GTF2A2: variants seen among roughly 807,000 people sequenced by gnomAD.
The protein encoded by GTF2A2 is general transcription factor IIA subunit 2.
GTF2A2 carries 9 observed loss-of-function variants against 14.3 expected under a neutral mutation model. The ratio of observed to expected loss-of-function variants is 0.63; its 90% confidence interval spans 0.38 to 1.10. The LOEUF is 1.10. Ranked by LOEUF, GTF2A2 falls within the 50% of genes least tolerant of loss-of-function variation. The pLI, the probability that GTF2A2 is intolerant of heterozygous loss-of-function variation, is 0.01. For synonymous variants in GTF2A2, 56 were observed against 46.0 expected (o/e 1.22, Z -0.88); for missense variants, 90 against 124.6 (o/e 0.72, Z 1.32).
intron 2 of GTF2A2, chr15:59,651,642 A>G (rs2141965979): frequency 6.6e-6 from 1 of 152,296 alleles, no homozygotes; most frequent in Admixed American, 6.5e-5. Flanking sequence ...GAGAAGGGGG[A>G]AACCAACAAT....
intron 1 of GTF2A2, among the ~76,000 whole-genome samples, chr15:59,653,762 G>T (rs1342570573): frequency 6.6e-6 from 1 of 152,100 alleles, no homozygotes; most frequent in African/African-American, 2.4e-5. Flanking sequence ...TATCAAGTAG[G>T]TAGCTCAAAT....
chr15:59,639,657 A>C (rs1891328949), intron 4 of GTF2A2, among the ~76,000 whole-genome samples: 1 of 151,686 alleles, frequency 6.6e-6, no homozygotes, highest in Admixed American at 6.6e-5. Context: ...ACGGGGTTTC[A>C]CCATGTTAGC....
chr15:59,644,200 T>G (rs2141959074), intron 3 of GTF2A2: 2 of 152,282 alleles, frequency 1.3e-5, no homozygotes, highest in South Asian at 4.1e-4. Flanking sequence ...CGGCCGGAAA[T>G]TTTTAAAAAG....
At chr15:59,640,402 C>CTATGGTTCAAATG (rs772316386) in intron 4 of GTF2A2, among the ~76,000 whole-genome samples, 2 of 152,210 alleles carry the variant, frequency 1.3e-5, no homozygotes, top group African/African-American at 4.8e-5. Context: ...TGGTTCTCAG[C>CTATGGTTCAAATG]TATGGTTCAA....
intron 3 of GTF2A2, among the ~76,000 whole-genome samples, chr15:59,647,601 TAC>T (rs1338349497): frequency 1.3e-5 from 2 of 152,126 alleles, no homozygotes; most frequent in Non-Finnish European, 2.9e-5. Context: ...TTTTTTAAGA[TAC>T]AGTCTCACTC....
intron 3 of GTF2A2, among the ~76,000 whole-genome samples, chr15:59,646,577 AT>A (rs1468950554): frequency 1.1e-4 from 17 of 152,226 alleles, no homozygotes; most frequent in Non-Finnish European, 2.1e-4. Flanking sequence ...AATATAAAGC[AT>A]TTTAGATGTA....
chr15:59,647,525 T>C lies in GTF2A2; in HGVS notation c.177+3144A>G, dbSNP rs1028194914. ...TCATTTGGCCAAATTGTATCTTCAA[T>C]GCACTTTTAATAAATACATTTTTGG... On this transcript the variant is annotated intron_variant, in intron 3 of 4. Coordinates refer to ENST00000396060, the MANE Select transcript of GTF2A2 (RefSeq NM_004492.3). Among the ~76,000 whole-genome samples the C allele has an allele frequency of 7.5e-4, 114 of 152,350 alleles. 1 individual carries two copies. Among genetic ancestry groups the C allele is most frequent in the Middle Eastern group, 3.4e-3 (1 of 294 alleles).
chr15:59,645,948 C>T (rs944109823), intron 3 of GTF2A2, among the ~76,000 whole-genome samples: 2 of 151,092 alleles, frequency 1.3e-5, no homozygotes, highest in East Asian at 2.0e-4. Flanking sequence ...GCTGGAGAAT[C>T]GCTTGAACCC....
At chr15:59,648,401 C>CAAAAAAAAAAAAAAAAAAAAA (rs71425875) in intron 3 of GTF2A2, among the ~76,000 whole-genome samples, 2 of 90,532 alleles carry the variant, frequency 2.2e-5, no homozygotes, top group African/African-American at 4.6e-5. Flanking sequence ...GACTTCGTCT[C>CAAAAAAAAAAAAAAAAAAAAA]AAAAAAAAAA....
At chr15:59,647,395 G>C (rs778672715) in intron 3 of GTF2A2, among the ~76,000 whole-genome samples, 8 of 151,710 alleles carry the variant, frequency 5.3e-5, no homozygotes, top group East Asian at 2.0e-4. Flanking sequence ...TGCAGTGCCA[G>C]ATAATTATAC....
intron 3 of GTF2A2, among the ~76,000 whole-genome samples, chr15:59,649,715 C>A (rs1381911897): frequency 6.6e-6 from 1 of 152,022 alleles, no homozygotes; most frequent in African/African-American, 2.4e-5. Flanking sequence ...AGATTTTATC[C>A]TTCACTAAAA....
chr15:59,649,156 T>C (rs1891713769), intron 3 of GTF2A2, among the ~76,000 whole-genome samples: 1 of 152,210 alleles, frequency 6.6e-6, no homozygotes, highest in South Asian at 2.1e-4. Flanking sequence ...CTAAACAGAA[T>C]GTTATTTGCA....
At chr15:59,657,182 C>A (rs1371249347) in intron 1 of GTF2A2, 1 of 152,246 alleles carries the variant, frequency 6.6e-6, no homozygotes, top group East Asian at 1.9e-4. Flanking sequence ...TGTGGGCGCC[C>A]CGTGAACGAC....
chr15:59,649,342 T>G, intron 3 of GTF2A2, among the ~76,000 whole-genome samples: 1 of 152,192 alleles, frequency 6.6e-6, no homozygotes, highest in East Asian at 1.9e-4. Context: ...CAAAACACTA[T>G]GCAAGATAAA....
chr15:59,646,872 T>A (rs1891624869), intron 3 of GTF2A2, among the ~76,000 whole-genome samples: 1 of 151,952 alleles, frequency 6.6e-6, no homozygotes, highest in Non-Finnish European at 1.5e-5. Flanking sequence ...ATCTCTAACA[T>A]GAAATAAGCT....
At chr15:59,650,466 AC>A (rs1566932928) in intron 3 of GTF2A2, among the ~76,000 whole-genome samples, 1 of 152,220 alleles carries the variant, frequency 6.6e-6, no homozygotes, top group African/African-American at 2.4e-5. Flanking sequence ...AAATCTAAAA[AC>A]ATCTCTGTAT....
intron 4 of GTF2A2, among the ~76,000 whole-genome samples, chr15:59,639,930 T>C (rs1268417762): frequency 1.3e-5 from 2 of 152,050 alleles, no homozygotes; most frequent in East Asian, 1.9e-4. Flanking sequence ...TTTGTATTTT[T>C]AGTAGAGATG....
intron 1 of GTF2A2, among the ~76,000 whole-genome samples, chr15:59,656,385 C>T (rs1891942906): frequency 6.6e-6 from 1 of 152,068 alleles, no homozygotes; most frequent in African/African-American, 2.4e-5. Flanking sequence ...AATACCAGTT[C>T]CCACCTCCAC....
At chr15:59,642,824 T>G (rs920716315) in intron 3 of GTF2A2, among the ~76,000 whole-genome samples, 1 of 152,206 alleles carries the variant, frequency 6.6e-6, no homozygotes, top group African/African-American at 2.4e-5. Flanking sequence ...TGGAGTGCAG[T>G]GGTGCGATCT....
Sources: allele counts gnomAD v4.1 joint callset (sites outside exome capture counted in the v4.1 genomes callset), GRCh38; gene constraint gnomAD v4.1.1; transcripts MANE v1.5; gene names NCBI Gene and HGNC (gene_info 2026-07-23, HGNC 2026-07-21).